TUT4: variants seen among roughly 807,000 people sequenced by gnomAD.
TUT4 encodes the protein terminal uridylyl transferase 4, also known as terminal uridylyltransferase 4.
Under a neutral mutation model 192.2 loss-of-function variants are expected in TUT4, and 36 were observed. The observed-to-expected ratio is 0.19, with a 90% CI of 0.14 to 0.25. The LOEUF (loss-of-function observed/expected upper bound fraction) is 0.25. TUT4 is among the 10% of genes least tolerant of loss of function. The pLI is 1.00. For synonymous variants in TUT4, 618 were observed against 666.0 expected, an observed-to-expected ratio of 0.93 and a Z score of 1.11; for missense variants, 1,493 against 1,957.2, an observed-to-expected ratio of 0.76 and a Z score of 4.47.
intron 24 of TUT4, among the ~76,000 whole-genome samples, chr1:52,443,560 G>A (rs1458978092): frequency 6.6e-6 from 1 of 151,980 alleles, no homozygotes; most frequent in Non-Finnish European, 1.5e-5. Context: ...TTGCACTCCA[G>A]CCTGGGCAAC....
chr1:52,425,169 A>G (rs989175631), intron 29 of TUT4, 180 bp downstream of exon 29: 1 of 604,708 alleles, frequency 1.7e-6, no homozygotes. Context: ...TAAAGTGTGC[A>G]TCAAGTAATG....
intron 4 of TUT4, among the ~76,000 whole-genome samples, chr1:52,502,975 T>C (rs1674574824): frequency 1.3e-5 from 2 of 152,162 alleles, no homozygotes; most frequent in Admixed American, 6.5e-5. Context: ...CTATCATTTA[T>C]TGAGTACCCA....
intron 1 of TUT4, among the ~76,000 whole-genome samples, chr1:52,539,634 T>TAA (rs1450837096): frequency 6.6e-6 from 1 of 152,076 alleles, no homozygotes; most frequent in Non-Finnish European, 1.5e-5. Flanking sequence ...CTCATGCCTA[T>TAA]AATCACAGCA....
intron 24 of TUT4, among the ~76,000 whole-genome samples, chr1:52,442,564 G>A (rs569319287): frequency 6.6e-6 from 1 of 152,138 alleles, no homozygotes; most frequent in Non-Finnish European, 1.5e-5. Context: ...ATTTATACCA[G>A]CTGAGCACCC....
At chr1:52,463,764 C>T in intron 16 of TUT4, 1 of 1,304,246 alleles carries the variant, frequency 7.7e-7, no homozygotes, top group Non-Finnish European at 1.0e-6. Flanking sequence ...CAATCTCCTT[C>T]CCACTATTAA....
chr1:52,532,913 C>A (rs1571370616), intron 1 of TUT4, among the ~76,000 whole-genome samples: 1 of 152,338 alleles, frequency 6.6e-6, no homozygotes, highest in East Asian at 1.9e-4. Flanking sequence ...CTCACTTCCT[C>A]ATGCTCTCTT....
intron 1 of TUT4, among the ~76,000 whole-genome samples, chr1:52,527,478 G>A (rs1682114640): frequency 6.6e-6 from 1 of 152,042 alleles, no homozygotes; most frequent in Non-Finnish European, 1.5e-5. Context: ...CCGGGACCCA[G>A]GAGGCGGAGG....
rs190408063 is a variant in TUT4 at position 52,431,481 on chromosome 1, T to A, written c.4264-21A>T. ...TCAGACTGCAGACAAAAAAAAAATT[T>A]TTTTTAATTAATTTATAAACATCTT... On this transcript the variant is annotated intron_variant, in intron 27 of 29. Transcript: ENST00000257177. 227 of 1,457,516 alleles carry A rather than the reference T, an allele frequency of 1.6e-4. No homozygotes were observed. In the African/African-American group the frequency reaches 2.7e-3, roughly 17 times the overall value. 90.3% of individuals were successfully genotyped at this position (1,457,516 alleles called of 1,614,324 possible). A position where few individuals can be genotyped will look rare whatever the true frequency, so the allele number is the denominator to read the frequency against.
intron 1 of TUT4, among the ~76,000 whole-genome samples, chr1:52,539,079 C>A (rs1433303431): frequency 1.3e-5 from 2 of 151,760 alleles, no homozygotes; most frequent in Non-Finnish European, 2.9e-5. Context: ...AGTAATCATG[C>A]CGATGAAGGG....
intron 7 of TUT4, among the ~76,000 whole-genome samples, chr1:52,492,619 C>A (rs752559027): frequency 6.6e-6 from 1 of 152,230 alleles, no homozygotes; most frequent in Non-Finnish European, 1.5e-5. Context: ...GAACTAAAAT[C>A]TGAGCCCAGA....
At chr1:52,441,145 T>A (rs954253212) in intron 24 of TUT4, among the ~76,000 whole-genome samples, 6 of 152,152 alleles carry the variant, frequency 3.9e-5, no homozygotes. Context: ...TACCTATAGA[T>A]GCAGGTAGAT....
intron 6 of TUT4, among the ~76,000 whole-genome samples, chr1:52,494,385 GT>G (rs899287381): frequency 2.0e-5 from 3 of 152,058 alleles, no homozygotes; most frequent in African/African-American, 7.2e-5. Context: ...TGTTTAAAGT[GT>G]TTTTTGCTAT....
At chr1:52,516,670 C>T (rs908450148) in intron 2 of TUT4, among the ~76,000 whole-genome samples, 3 of 152,150 alleles carry the variant, frequency 2.0e-5, no homozygotes, top group Admixed American at 1.3e-4. Flanking sequence ...GTTCTCCCAC[C>T]AGCGCGATTT....
At chr1:52,532,153 C>A (rs1047083434) in intron 1 of TUT4, among the ~76,000 whole-genome samples, 3 of 151,786 alleles carry the variant, frequency 2.0e-5, no homozygotes, top group Non-Finnish European at 4.4e-5. Context: ...GCTGGGATTA[C>A]CACGCCTGCC....
At chr1:52,465,239 G>A (rs2148751858) in intron 15 of TUT4, 66 bp from the exon 16 acceptor site, 2 of 1,073,722 alleles carry the variant, frequency 1.9e-6, no homozygotes, top group Non-Finnish European at 2.8e-6. Flanking sequence ...TCTGCTATCT[G>A]CTGATGACCT....
At position 52,436,831 on chromosome 1, in the gene TUT4, T is replaced by C. The variant is rs371549563; in HGVS notation, c.4086A>G (p.Ile1362Met). ...FRDPRDLRCF[I>M]CGDAGHVRRE... is the part of the protein sequence containing the mutation. ...TTCGTACATGTCCAGCATCTCCACA[T>C]ATAAAACATCTGAGGTCTCTCGGGT... Residue 1362 changes from isoleucine to methionine, a missense_variant, in exon 26 of 30, where the codon ATA becomes ATG. Ile to Met is a conservative substitution (Grantham distance 10). Coordinates refer to ENST00000257177, the MANE Select transcript of TUT4 (RefSeq NM_001009881.3). 82 of 1,613,812 alleles carry C rather than the reference T, an allele frequency of 5.1e-5. No homozygotes were observed. Among genetic ancestry groups the C allele is most frequent in the Non-Finnish European group, 6.9e-5 (81 of 1,180,022 alleles).
intron 3 of TUT4, among the ~76,000 whole-genome samples, 196 bp from the exon 4 acceptor site, chr1:52,509,908 T>A (rs912025264): frequency 2.3e-4 from 35 of 152,210 alleles, no homozygotes; most frequent in Non-Finnish European, 4.1e-4. Flanking sequence ...TTTTTCAAAA[T>A]AGTTATCATA....
At chr1:52,496,809 TAC>T (rs140036451) in intron 5 of TUT4, among the ~76,000 whole-genome samples, 195 bp downstream of exon 5, 5,612 of 152,230 alleles carry the variant, frequency 0.037, 370 homozygotes, top group African/African-American at 0.13. Flanking sequence ...TTTTTCTTAG[TAC>T]AAAAGTGTGC....
intron 1 of TUT4, among the ~76,000 whole-genome samples, chr1:52,543,380 G>A (rs1687227381): frequency 1.3e-5 from 2 of 151,714 alleles, no homozygotes; most frequent in African/African-American, 2.4e-5. Flanking sequence ...CATAACCAAA[G>A]AAGTGAAAGA....
Sources: gnomAD v4.1 joint callset for allele counts (sites outside exome capture counted in the v4.1 genomes callset) on GRCh38, gnomAD v4.1.1 for gene constraint, MANE v1.5 for transcripts, NCBI Gene and HGNC (gene_info 2026-07-23, HGNC 2026-07-21) for gene names.